SLC9A1: variants seen among roughly 807,000 people sequenced by gnomAD.
SLC9A1 encodes sodium/hydrogen exchanger 1.
Under a neutral mutation model 67.9 loss-of-function variants are expected in SLC9A1, and 22 were observed. That is an observed-to-expected ratio of 0.32 (90% CI 0.23 to 0.46). The LOEUF (loss-of-function observed/expected upper bound fraction) is 0.46. Among genes scored for constraint, SLC9A1 ranks in the 20% least tolerant of loss-of-function variants. The probability of loss-of-function intolerance (pLI) is 1.00; values close to 1 mark genes in which losing one functional copy is unlikely to be tolerated. For synonymous variants in SLC9A1, 421 were observed against 471.8 expected (o/e 0.89, Z 1.40); for missense variants, 686 against 1,094.8 (o/e 0.63, Z 5.27).
In SLC9A1 at chr1:27,108,222, C is replaced by T. The variant is rs550346455; in HGVS notation, c.1065-357G>A. On this transcript the variant is annotated intron_variant, in intron 3 of 11. Transcript: ENST00000263980. ...CTGGGAATACAGGTGCCCGCCACCA[C>T]GCCTGGCTAATTTTTTTGTATTTTT... Among the ~76,000 whole-genome samples the T allele has an allele frequency of 2.5e-4, 38 of 151,734 alleles. No homozygotes were observed. The South Asian group carries it at 7.7e-3, about 31-fold the overall frequency.
rs1205372356 is a variant in SLC9A1, at chr1:27,099,614, C to T, written c.*693G>A. ...GCACATTCTGGAGCCACGGCCAGTC[C>T]TTCCCCTAGCAGCTTCCCCTGAGGG... On this transcript the variant is annotated 3_prime_UTR_variant, in exon 12 of 12. Transcript: ENST00000263980. 2.0e-5 allele frequency: 3 copies of T among 152,746 alleles called. No homozygotes were observed. The highest frequency in any genetic ancestry group is 4.4e-5 in the Non-Finnish European group (3 of 68,234). 9.5% of individuals were successfully genotyped at this position (152,746 alleles called of 1,614,324 possible).
chr1:27,112,946 C>T (rs1298453004), intron 2 of SLC9A1, among the ~76,000 whole-genome samples: 1 of 150,494 alleles, frequency 6.6e-6, no homozygotes, highest in Non-Finnish European at 1.5e-5. Context: ...TAAGGTCACA[C>T]AGCAAGCAAG....
At chr1:27,138,523 G>C (rs553111299) in intron 1 of SLC9A1, among the ~76,000 whole-genome samples, 1 of 152,152 alleles carries the variant, frequency 6.6e-6, no homozygotes, top group Non-Finnish European at 1.5e-5. Context: ...TGACATGGGG[G>C]TAGAGGCAGC....
chr1:27,112,652 G>A (rs893448725), intron 2 of SLC9A1, among the ~76,000 whole-genome samples: 3 of 152,158 alleles, frequency 2.0e-5, no homozygotes, highest in African/African-American at 4.8e-5. Flanking sequence ...GGGAGGCTGA[G>A]GTGGGCGGAT....
At chr1:27,116,385 G>GA (rs945960717) in intron 1 of SLC9A1, among the ~76,000 whole-genome samples, 124 of 148,034 alleles carry the variant, frequency 8.4e-4, no homozygotes, top group African/African-American at 2.4e-3. Context: ...ACTCCATCTT[G>GA]AAAAAAAAAA....
At chr1:27,138,594 C>T (rs570358463) in intron 1 of SLC9A1, among the ~76,000 whole-genome samples, 11 of 152,142 alleles carry the variant, frequency 7.2e-5, no homozygotes, top group East Asian at 1.9e-4. Flanking sequence ...GAAGAGATGA[C>T]GTTTGATCTA....
chr1:27,107,203 CACACACCCAGCCCCTCT>C (rs1319753981), intron 4 of SLC9A1, among the ~76,000 whole-genome samples: 1 of 147,284 alleles, frequency 6.8e-6, no homozygotes, highest in Non-Finnish European at 1.5e-5. Flanking sequence ...CACACACACA[CACACACCCAGCCCCTCT>C]ACACACACCC....
chr1:27,147,947 T>C (rs1456061253), intron 1 of SLC9A1, among the ~76,000 whole-genome samples: 3 of 152,062 alleles, frequency 2.0e-5, no homozygotes, highest in Non-Finnish European at 4.4e-5. Flanking sequence ...TGAGCTGAGA[T>C]TGCACTATTG....
In SLC9A1 at chr1:27,109,191, C is replaced by A. The variant is rs1318467763; in HGVS notation, c.1064+336G>T. 6.6e-6 allele frequency among the ~76,000 whole-genome samples: 1 copy of A among 152,144 alleles called. No individual in the cohort carries two copies. The highest frequency in any genetic ancestry group is 1.5e-5 in the Non-Finnish European group (1 of 67,998). ...TAGCAGGGCTGTGGCTTTCCTCAAC[C>A]TGAAGCTTAGTGGCTTCCAAGGCTC... On this transcript the variant is annotated intron_variant, in intron 3 of 11. Transcript: ENST00000263980. The surrounding 1 kb of genome is among the most constrained non-coding windows in gnomAD (Gnocchi z 5.5).
rs2083122046 is a variant in SLC9A1 at position 27,099,350 on chromosome 1, G to A, written c.*957C>T. 6.5e-6 allele frequency: 1 copy of A among 152,834 alleles called. No individual in the cohort carries two copies. The highest frequency in any genetic ancestry group is 6.5e-5 in the Admixed American group (1 of 15,284). 9.5% of individuals were successfully genotyped at this position (152,834 alleles called of 1,614,324 possible). A position where few individuals can be genotyped will look rare whatever the true frequency, so the allele number is the denominator to read the frequency against. ...CTGGAGAGACTCTTGATTAGGAGTG[G>A]GAGTTACTTCTGATGTCACAGTCTT... On this transcript the variant is annotated 3_prime_UTR_variant, in exon 12 of 12. Coordinates refer to ENST00000263980, the MANE Select transcript of SLC9A1 (RefSeq NM_003047.5).
chr1:27,138,847 A>G (rs776709557), intron 1 of SLC9A1, among the ~76,000 whole-genome samples: 3 of 152,154 alleles, frequency 2.0e-5, no homozygotes, highest in Non-Finnish European at 4.4e-5. Flanking sequence ...AAAGGTTTTC[A>G]GCAGGGGAAA....
rs1461294453 is a variant in SLC9A1, at chr1:27,106,106, G to A, written c.1283-19C>T. 4 of 1,565,542 alleles carry A rather than the reference G, an allele frequency of 2.6e-6. No individual in the cohort carries two copies. The highest frequency in any genetic ancestry group is 2.7e-5 in the African/African-American group (2 of 73,894). The stretch of plus-strand genomic sequence containing the variant: ...AGCACCCCTGCAGGGGAAGGCAGGG[G>A]GTGATGAGGGTCAGGTCGGGCTGTC... On this transcript the variant is annotated intron_variant, in intron 4 of 11. Coordinates refer to ENST00000263980, the MANE Select transcript of SLC9A1 (RefSeq NM_003047.5). This position sits in a 1 kb window ranked among gnomAD's most constrained non-coding sequence, Gnocchi z 4.3.
intron 1 of SLC9A1, among the ~76,000 whole-genome samples, chr1:27,147,299 C>CAAAAAAAAAAAA (rs57583944): frequency 1.1e-4 from 5 of 43,940 alleles, no homozygotes; most frequent in African/African-American, 5.0e-4. Flanking sequence ...GACTCTGTCT[C>CAAAAAAAAAAAA]AAAAAAAAAA....
rs765829510 is a variant in SLC9A1 at position 27,154,163 on chromosome 1, C to T, written c.172G>A (p.Gly58Arg). The change falls in exon 1 of 12, where the codon GGG (glycine) becomes AGG (arginine). Residue 58 changes from glycine (G) to arginine (R), a missense_variant. Coordinates refer to ENST00000263980, the MANE Select transcript of SLC9A1 (RefSeq NM_003047.5). ...SSEPPRERSI[G>R]DVTTAPPEVT... is the part of the protein sequence containing the mutation. Reference sequence around the variant, plus strand: ...TCCGGTGGAGCGGTGGTGACATCCCCAATCGAGCGTTCTCGTGGTGGCTCT... The same window carrying T: ...TCCGGTGGAGCGGTGGTGACATCCCTAATCGAGCGTTCTCGTGGTGGCTCT... 2 of 1,614,008 alleles carry T rather than the reference C, an allele frequency of 1.2e-6. No homozygotes were observed. Among genetic ancestry groups the T allele is most frequent in the South Asian group, 1.1e-5 (1 of 91,078 alleles).
At chr1:27,152,253 G>A (rs1231798769) in intron 1 of SLC9A1, among the ~76,000 whole-genome samples, 1 of 152,212 alleles carries the variant, frequency 6.6e-6, no homozygotes, top group African/African-American at 2.4e-5. Context: ...ACTTCTGACT[G>A]CCTAGAGTGG....
At chr1:27,112,371 G>A (rs114787090) in intron 2 of SLC9A1, among the ~76,000 whole-genome samples, 106 of 152,332 alleles carry the variant, frequency 7.0e-4, no homozygotes, top group African/African-American at 2.5e-3. Flanking sequence ...GCCTGGGAAT[G>A]CACATGTGCC....
chr1:27,150,121 T>C (rs1384328512), intron 1 of SLC9A1, among the ~76,000 whole-genome samples: 1 of 152,214 alleles, frequency 6.6e-6, no homozygotes, highest in Non-Finnish European at 1.5e-5. Context: ...TCTTCTCTTC[T>C]TTTGAGAAGT....
intron 1 of SLC9A1, among the ~76,000 whole-genome samples, chr1:27,131,018 C>T (rs1295876478): frequency 2.0e-5 from 3 of 152,228 alleles, no homozygotes; most frequent in Non-Finnish European, 4.4e-5. Context: ...TTTGTCAGTG[C>T]CCACTTCCGC....
At chr1:27,116,053 G>C (rs577744845) in intron 1 of SLC9A1, among the ~76,000 whole-genome samples, 2 of 152,086 alleles carry the variant, frequency 1.3e-5, no homozygotes, top group Non-Finnish European at 2.9e-5. Context: ...TGCTAGTACG[G>C]TGACAAGTCA....
Sources: gnomAD v4.1 joint callset for allele counts (sites outside exome capture counted in the v4.1 genomes callset) on GRCh38, gnomAD v4.1.1 for gene constraint, Gnocchi (gnomAD v3.1) non-coding constraint, MANE v1.5 for transcripts, NCBI Gene and HGNC (gene_info 2026-07-23, HGNC 2026-07-21) for gene names.